Variants in LIPI observed in about 807,000 individuals in gnomAD.
LIPI encodes lipase member I.
A neutral mutation model predicts 50.6 loss-of-function variants in LIPI; 59 were observed. The ratio of observed to expected loss-of-function variants is 1.16; its 90% CI spans 0.94 to 1.45. LIPI has a LOEUF of 1.45. LIPI is among the 40% of genes most tolerant of loss of function. LIPI has a pLI of 0.00. For missense variants in LIPI, 586 were observed against 536.3 expected, an observed-to-expected ratio of 1.09 and a Z score of -0.92; for synonymous variants, 203 against 178.2, an observed-to-expected ratio of 1.14 and a Z score of -1.11.
At chr21:14,210,705 C>T (rs2020340427) in intron 1 of LIPI, 95 bp downstream of exon 1, 1 of 366,672 alleles carries the variant, frequency 2.7e-6, no homozygotes, top group South Asian at 3.8e-5. Flanking sequence ...TATTTTTATC[C>T]CATTATATCA....
At chr21:14,201,883 A>G (rs2020067040) in intron 1 of LIPI, among the ~76,000 whole-genome samples, 1 of 152,176 alleles carries the variant, frequency 6.6e-6, no homozygotes, top group Non-Finnish European at 1.5e-5. Context: ...TTAGGAAAAG[A>G]GGAAGTCAAA....
chr21:14,191,271 G>A (rs1013242435), intron 1 of LIPI, among the ~76,000 whole-genome samples: 3 of 150,712 alleles, frequency 2.0e-5, no homozygotes, highest in African/African-American at 7.3e-5. Context: ...TAGCTACTTG[G>A]GAGGCTGAGG....
At chr21:14,197,616 G>A (rs1171596662) in intron 1 of LIPI, among the ~76,000 whole-genome samples, 2 of 152,072 alleles carry the variant, frequency 1.3e-5, no homozygotes, top group Non-Finnish European at 1.5e-5. Flanking sequence ...ATGGGATTAT[G>A]TAAAGATACC....
intron 7 of LIPI, among the ~76,000 whole-genome samples, chr21:14,153,544 A>G (rs1004566558): frequency 1.3e-5 from 2 of 152,152 alleles, no homozygotes; most frequent in African/African-American, 4.8e-5. Context: ...TAGGTGTACA[A>G]TCCATGTTTC....
chr21:14,206,427 T>C (rs2020226965), intron 1 of LIPI, among the ~76,000 whole-genome samples: 1 of 152,182 alleles, frequency 6.6e-6, no homozygotes, highest in Admixed American at 6.6e-5. Flanking sequence ...TTTTCAGTGT[T>C]TTCATTATTG....
intron 4 of LIPI, among the ~76,000 whole-genome samples, chr21:14,169,005 A>G (rs917725866): frequency 4.6e-5 from 7 of 151,916 alleles, no homozygotes; most frequent in African/African-American, 1.4e-4. Flanking sequence ...TCAAAATAAA[A>G]GGATGGAGGA....
intron 9 of LIPI, among the ~76,000 whole-genome samples, chr21:14,135,749 T>C (rs2017473704): frequency 6.6e-6 from 1 of 152,124 alleles, no homozygotes; most frequent in Admixed American, 6.5e-5. Context: ...CTGCAACTTG[T>C]AGGTGAGTCC....
chr21:14,202,361 G>A (rs888164700), intron 1 of LIPI, among the ~76,000 whole-genome samples: 10 of 152,262 alleles, frequency 6.6e-5, no homozygotes, highest in African/African-American at 1.2e-4. Context: ...CCAATAAAGA[G>A]CCCACATTGC....
intron 9 of LIPI, among the ~76,000 whole-genome samples, chr21:14,121,798 C>A (rs181683633): frequency 1.3e-5 from 2 of 152,266 alleles, no homozygotes; most frequent in East Asian, 3.9e-4. Flanking sequence ...TCCAGATCAT[C>A]CAACTCGACT....
At chr21:14,187,870 G>T (rs2123274921) in intron 2 of LIPI, among the ~76,000 whole-genome samples, 1 of 152,276 alleles carries the variant, frequency 6.6e-6, no homozygotes, top group South Asian at 2.1e-4. Flanking sequence ...ATAAGGAAAT[G>T]CAGCACAGAG....
chr21:14,137,206 G>A (rs755230267), intron 9 of LIPI, among the ~76,000 whole-genome samples: 1 of 152,056 alleles, frequency 6.6e-6, no homozygotes, highest in African/African-American at 2.4e-5. Context: ...TCAACACCAT[G>A]CAGGAAAACA....
intron 4 of LIPI, among the ~76,000 whole-genome samples, chr21:14,169,527 T>A (rs374932389): frequency 2.6e-5 from 4 of 152,304 alleles, no homozygotes; most frequent in East Asian, 3.9e-4. Flanking sequence ...CAGACCACAG[T>A]GCAATCAAAC....
At chr21:14,168,205 G>A (rs2018762259) in intron 4 of LIPI, among the ~76,000 whole-genome samples, 1 of 152,174 alleles carries the variant, frequency 6.6e-6, no homozygotes, top group African/African-American at 2.4e-5. Flanking sequence ...CAAGAAATAT[G>A]GGACTATGTG....
chr21:14,149,429 C>T (rs1269179429), intron 8 of LIPI, among the ~76,000 whole-genome samples: 1 of 152,156 alleles, frequency 6.6e-6, no homozygotes, highest in Admixed American at 6.5e-5. Context: ...TAAACCAAAT[C>T]ATTCCACCCC....
At chr21:14,154,771 G>C (rs1443179058) in intron 7 of LIPI, among the ~76,000 whole-genome samples, 1 of 151,944 alleles carries the variant, frequency 6.6e-6, no homozygotes, top group African/African-American at 2.4e-5. Context: ...TGTCCCAAAA[G>C]TTTTATGCAT....
chr21:14,205,284 T>C (rs1027298676), intron 1 of LIPI, among the ~76,000 whole-genome samples: 7 of 151,942 alleles, frequency 4.6e-5, no homozygotes, highest in African/African-American at 1.7e-4. Flanking sequence ...ATGGAAATTA[T>C]AGACTGGAAA....
At position 14,178,905 on chromosome 21, in the gene LIPI, A is replaced by G. The variant is rs138099868; in HGVS notation, c.643+2853T>C. 3.1e-3 allele frequency among the ~76,000 whole-genome samples: 472 copies of G among 152,290 alleles called. 2 individuals carry two copies. Among genetic ancestry groups the G allele is most frequent in the African/African-American group, 0.011 (453 of 41,560 alleles). On this transcript the variant is annotated intron_variant, in intron 4 of 9. Coordinates refer to ENST00000681601, the MANE Select transcript of LIPI (RefSeq NM_001302998.2). ...TGTCAGATAACTAGGAGTTCTAACA[A>G]TTCAGAATCTACTTAAACAAAAAAC...
At chr21:14,201,068 T>C (rs1415362064) in intron 1 of LIPI, among the ~76,000 whole-genome samples, 1 of 151,958 alleles carries the variant, frequency 6.6e-6, no homozygotes, top group African/African-American at 2.4e-5. Context: ...TGAAGAAGAT[T>C]GAAACTGGAC....
chr21:14,185,196 G>A (rs1400000747), intron 3 of LIPI, among the ~76,000 whole-genome samples: 1 of 152,120 alleles, frequency 6.6e-6, no homozygotes, highest in African/African-American at 2.4e-5. Flanking sequence ...CTTTGTTATA[G>A]AAATATGAAG....
Sources: allele counts gnomAD v4.1 joint callset (sites outside exome capture counted in the v4.1 genomes callset), GRCh38; gene constraint gnomAD v4.1.1; transcripts MANE v1.5; gene names NCBI Gene and HGNC (gene_info 2026-07-23, HGNC 2026-07-21).